Variants in BLOC1S3 observed in about 807,000 individuals in gnomAD.
The protein encoded by BLOC1S3 is biogenesis of lysosomal organelles complex 1 subunit 3, also known as biogenesis of lysosome-related organelles complex 1 subunit 3.
Under a neutral mutation model 9.1 loss-of-function variants are expected in BLOC1S3, and 7 were observed. That is an observed-to-expected ratio of 0.77 (90% confidence interval 0.44 to 1.45). The LOEUF is 1.45. Ranked by LOEUF, BLOC1S3 falls within the 40% of genes most tolerant of loss-of-function variation. BLOC1S3 has a pLI of 0.01. For missense variants in BLOC1S3, 307 were observed against 315.2 expected, an observed-to-expected ratio of 0.97 and a Z score of 0.20; for synonymous variants, 145 against 158.4, an observed-to-expected ratio of 0.92 and a Z score of 0.64.
downstream of BLOC1S3, among the ~76,000 whole-genome samples, chr19:45,182,272 A>C (rs1174959380): frequency 6.6e-6 from 1 of 152,024 alleles, no homozygotes; most frequent in Non-Finnish European, 1.5e-5. Context: ...CTACTCAGGG[A>C]GCTGGGGCAT....
chr19:45,213,183 G>A (rs780128950), intron 3 of BLOC1S3: 2 of 1,605,884 alleles, frequency 1.2e-6, no homozygotes, highest in Non-Finnish European at 1.7e-6. Context: ...GAGGGAGGCT[G>A]AGACAGAAAG....
downstream of BLOC1S3, among the ~76,000 whole-genome samples, chr19:45,184,903 C>CAAAAAAAAAA (rs71338752): frequency 3.5e-4 from 17 of 48,286 alleles, no homozygotes; most frequent in African/African-American, 5.7e-4. Context: ...CTGTCTCAAA[C>CAAAAAAAAAA]AAAAAAAAAA....
intron 2 of BLOC1S3, among the ~76,000 whole-genome samples, chr19:45,191,522 A>C (rs559675967): frequency 6.6e-6 from 1 of 152,308 alleles, no homozygotes; most frequent in Admixed American, 6.5e-5. Flanking sequence ...GGTATTTATT[A>C]TAGTCTTCAC....
At chr19:45,213,104 G>A in intron 3 of BLOC1S3, 1 of 1,536,624 alleles carries the variant, frequency 6.5e-7, no homozygotes, top group South Asian at 1.3e-5. Flanking sequence ...AGAGACGGAG[G>A]CCGGGGCCGA....
chr19:45,184,527 G>A (rs879603301), downstream of BLOC1S3, among the ~76,000 whole-genome samples: 1 of 152,074 alleles, frequency 6.6e-6, no homozygotes, highest in Non-Finnish European at 1.5e-5. Flanking sequence ...AATCACTTGA[G>A]CCCAGGAGGT....
At chr19:45,205,185 A>T (rs1358043058) in intron 3 of BLOC1S3, among the ~76,000 whole-genome samples, 1 of 151,968 alleles carries the variant, frequency 6.6e-6, no homozygotes, top group Non-Finnish European at 1.5e-5. Context: ...TGTGTGTGTG[A>T]GACGGAGTCT....
At chr19:45,200,441 C>T (rs748621383) in intron 2 of BLOC1S3, among the ~76,000 whole-genome samples, 25 of 152,166 alleles carry the variant, frequency 1.6e-4, no homozygotes, top group Non-Finnish European at 3.1e-4. Context: ...CTCGGCCTCC[C>T]GAAATGCTGG....
Position 45,179,321 on chromosome 19 carries a change from A to G in BLOC1S3, c.25A>G (p.Arg9Gly). Residue 9 changes from arginine to glycine, a missense_variant, in exon 2 of 2, where the codon AGG becomes GGG. Physicochemically the swap from Arg to Gly is moderately radical, Grantham distance 125. Transcript: ENST00000433642. The surrounding 1 kb of genome is among the most constrained non-coding windows in gnomAD (Gnocchi z 4.6). ...CATGGCGTCCCAGGGTCGTCGGCGG[A>G]GGCCCCTGCGGAGGCCGGAGACGGT... MASQGRRR[R>G]PLRRPETVVP... 6.3e-7 allele frequency: 1 copy of G among 1,584,410 alleles called. No individual in the cohort carries two copies. The highest frequency in any genetic ancestry group is 8.5e-7 in the Non-Finnish European group (1 of 1,173,862).
At chr19:45,213,196 G>A (rs1969795955) in intron 3 of BLOC1S3, 2 of 1,608,332 alleles carry the variant, frequency 1.2e-6, no homozygotes, top group African/African-American at 2.7e-5. Context: ...ACAGAAAGAT[G>A]GGCGGGGCAC....
intron 3 of BLOC1S3, among the ~76,000 whole-genome samples, chr19:45,207,598 G>A (rs1022318556): frequency 2.0e-5 from 3 of 146,348 alleles, no homozygotes; most frequent in African/African-American, 5.0e-5. Flanking sequence ...CTAGCTGGGC[G>A]TGGTAGCGCA....
At chr19:45,209,719 C>G (rs1000067633) in intron 3 of BLOC1S3, among the ~76,000 whole-genome samples, 2 of 150,986 alleles carry the variant, frequency 1.3e-5, no homozygotes, top group Non-Finnish European at 2.9e-5. Flanking sequence ...CCATGCCCGG[C>G]CTATTTTATT....
intron 2 of BLOC1S3, among the ~76,000 whole-genome samples, chr19:45,188,791 C>T (rs1461418547): frequency 1.3e-5 from 2 of 151,798 alleles, no homozygotes; most frequent in Admixed American, 6.6e-5. Flanking sequence ...AGACTGGTCT[C>T]GAACTCCTGA....
rs1969512685 is a variant in BLOC1S3 at position 45,180,968 on chromosome 19, C to T, written c.*1063C>T. 6.0e-6 allele frequency: 1 copy of T among 166,244 alleles called. No individual in the cohort carries two copies. Among genetic ancestry groups the T allele is most frequent in the African/African-American group, 2.4e-5 (1 of 41,440 alleles). 10.3% of individuals were successfully genotyped at this position (166,244 alleles called of 1,614,324 possible). A position where few individuals can be genotyped will look rare whatever the true frequency, so the allele number is the denominator to read the frequency against. Reference sequence around the variant, plus strand: ...TCTCGAACTCCTGGCCTCAGGTGATCCACCCGCCTCACCTCCTAAAATGCT... The same window carrying T: ...TCTCGAACTCCTGGCCTCAGGTGATTCACCCGCCTCACCTCCTAAAATGCT... On this transcript the variant is annotated 3_prime_UTR_variant, in exon 2 of 2. Coordinates refer to ENST00000433642, the MANE Select transcript of BLOC1S3 (RefSeq NM_212550.5).
rs1969653176 is a variant in BLOC1S3 at position 45,196,932 on chromosome 19, TGA to T, written n.181-5467_181-5466del. ...AAAAAATCAATTTTAGGAAAGTGTC[TGA>T]GAGAGATCAGTGACTCAGAAGAGTT... is the stretch of plus-strand genomic sequence containing the variant. On this transcript the variant is annotated intron_variant and non_coding_transcript_variant, in intron 2 of 3. Transcript: ENST00000591569. 6.1e-5 allele frequency among the ~76,000 whole-genome samples: 9 copies of T among 147,502 alleles called. No individual in the cohort carries two copies. In the South Asian group the frequency reaches 1.9e-3, roughly 32 times the overall value.
chr19:45,215,641 C>T (rs902706056), intron 3 of BLOC1S3, among the ~76,000 whole-genome samples: 2 of 152,146 alleles, frequency 1.3e-5, no homozygotes, highest in Non-Finnish European at 2.9e-5. Context: ...CCCCATGGAA[C>T]GGATGAGGAA....
chr19:45,211,484 C>T (rs541962205), intron 3 of BLOC1S3, among the ~76,000 whole-genome samples: 1 of 149,554 alleles, frequency 6.7e-6, no homozygotes, highest in African/African-American at 2.5e-5. Flanking sequence ...GCACTCTAGC[C>T]TGGGCGACAG....
intron 2 of BLOC1S3, among the ~76,000 whole-genome samples, chr19:45,193,068 G>T (rs1485733915): frequency 6.9e-6 from 1 of 144,142 alleles, no homozygotes; most frequent in Non-Finnish European, 1.5e-5. Flanking sequence ...GGAGGCGGAG[G>T]TTGCTGTGAG....
In BLOC1S3 at chr19:45,179,377, C is replaced by T; in HGVS notation, c.81C>T (p.Ser27=). 2 of 1,582,932 alleles carry T rather than the reference C, an allele frequency of 1.3e-6. No homozygotes were observed. The highest frequency in any genetic ancestry group is 1.4e-5 in the African/African-American group (1 of 73,248). The part of the protein sequence containing the change: ...VVPGEATETD[S]ERSASSSEEE... The stretch of plus-strand genomic sequence containing the variant: ...CGGGGGAGGCGACCGAGACGGATTC[C>T]GAGCGCTCTGCGTCCTCGTCGGAGG... The change falls in exon 2 of 2, where the codon TCC becomes TCT. Residue 27 remains serine (S), a synonymous_variant. Transcript: ENST00000433642. This position sits in a 1 kb window ranked among gnomAD's most constrained non-coding sequence, Gnocchi z 4.6.
downstream of BLOC1S3, chr19:45,217,028 T>C (rs1969842685): frequency 6.6e-6 from 1 of 152,216 alleles, no homozygotes; most frequent in Non-Finnish European, 1.5e-5. Flanking sequence ...AGTCTTTTTT[T>C]TCTTTTTTTT....
Sources: gnomAD v4.1 joint callset for allele counts (sites outside exome capture counted in the v4.1 genomes callset) on GRCh38, gnomAD v4.1.1 for gene constraint, Gnocchi (gnomAD v3.1) non-coding constraint, MANE v1.5 for transcripts, NCBI Gene and HGNC (gene_info 2026-07-23, HGNC 2026-07-21) for gene names.